ELP4: variants seen among roughly 807,000 people sequenced by gnomAD.
ELP4 encodes elongator complex protein 4.
In ELP4, 51 loss-of-function variants were observed where a neutral mutation model predicts 48.9. The observed-to-expected ratio is 1.04, with a 90% CI of 0.83 to 1.32. The LOEUF is 1.32. Among genes scored for constraint, ELP4 ranks in the 40% most tolerant of loss-of-function variants. The pLI is 0.00. For synonymous variants in ELP4, 210 were observed against 189.2 expected (o/e 1.11, Z -0.90); for missense variants, 519 against 514.6 (o/e 1.01, Z -0.08).
chr11:31,527,987 T>C (rs1469207838), intron 2 of ELP4, among the ~76,000 whole-genome samples: 1 of 152,068 alleles, frequency 6.6e-6, no homozygotes, highest in African/African-American at 2.4e-5. Context: ...GACCTTTGCT[T>C]ATGTTCTTTC....
At chr11:31,660,458 T>G (rs1945531240) in intron 9 of ELP4, among the ~76,000 whole-genome samples, 1 of 152,170 alleles carries the variant, frequency 6.6e-6, no homozygotes. Context: ...TCTCTTGTAG[T>G]CAGTAGGCAA....
chr11:31,767,283 A>G (rs1948060488), intron 9 of ELP4: 1 of 151,966 alleles, frequency 6.6e-6, no homozygotes, highest in Non-Finnish European at 1.5e-5. Flanking sequence ...ACTTGACCAG[A>G]GTGGCTCTTC....
intron 9 of ELP4, among the ~76,000 whole-genome samples, chr11:31,712,068 A>G (rs997272502): frequency 2.0e-5 from 3 of 152,030 alleles, no homozygotes; most frequent in African/African-American, 7.2e-5. Context: ...TGATTTTGCA[A>G]AGCTATCACC....
intron 7 of ELP4, among the ~76,000 whole-genome samples, chr11:31,636,781 T>C (rs751737545): frequency 3.3e-5 from 5 of 151,872 alleles, no homozygotes; most frequent in Non-Finnish European, 7.4e-5. Context: ...TTTTCTTTAA[T>C]GCCACAGGAA....
Position 31,512,304 on chromosome 11 carries a change from A to G in ELP4, c.223+2297A>G, listed in dbSNP as rs150054475. On this transcript the variant is annotated intron_variant, in intron 1 of 9. Transcript: ENST00000640961. ...GTAAATATTATAGCTTCCGTGTAGT[A>G]CGGTGACATTTTACTACTGCCACCG... is the stretch of plus-strand genomic sequence containing the variant. 6.6e-4 allele frequency: 101 copies of G among 152,266 alleles called. 1 individual carries two copies. The highest frequency in any genetic ancestry group is 3.4e-3 in the Middle Eastern group (1 of 294). The allele number at this position is 152,266 out of a possible 1,614,324, so 9.4% of individuals were successfully genotyped here.
intron 4 of ELP4, chr11:31,599,524 A>ACACACAC (rs1957742222): frequency 5.0e-3 from 89 of 17,694 alleles, no homozygotes; most frequent in East Asian, 0.019. Flanking sequence ...CACACACACA[A>ACACACAC]AAAAAAAAAA....
intron 9 of ELP4, among the ~76,000 whole-genome samples, chr11:31,761,175 A>G (rs895375167): frequency 6.6e-6 from 1 of 152,120 alleles, no homozygotes; most frequent in Non-Finnish European, 1.5e-5. Context: ...TGTCTCTACA[A>G]AAAATTTCAA....
At chr11:31,771,918 G>C (rs565813609) in intron 9 of ELP4, among the ~76,000 whole-genome samples, 3 of 152,032 alleles carry the variant, frequency 2.0e-5, no homozygotes, top group East Asian at 3.9e-4. Context: ...GGAGGCGGAG[G>C]TTGCAGTGAG....
At chr11:31,656,600 A>T (rs556253859) in intron 9 of ELP4, among the ~76,000 whole-genome samples, 55 of 152,090 alleles carry the variant, frequency 3.6e-4, no homozygotes, top group Non-Finnish European at 5.6e-4. Flanking sequence ...TTATTTATTC[A>T]TAACTAAGTT....
chr11:31,575,186 A>G (rs1417200491), intron 3 of ELP4, among the ~76,000 whole-genome samples: 1 of 152,248 alleles, frequency 6.6e-6, no homozygotes, highest in African/African-American at 2.4e-5. Context: ...AAGAAAGGGT[A>G]TCAGTGATTG....
intron 9 of ELP4, among the ~76,000 whole-genome samples, chr11:31,718,612 T>C (rs1394071780): frequency 6.6e-6 from 1 of 152,234 alleles, no homozygotes; most frequent in East Asian, 1.9e-4. Flanking sequence ...TGGTTGATGC[T>C]GACTGTCCAC....
chr11:31,522,939 A>T (rs1956238249), intron 2 of ELP4, among the ~76,000 whole-genome samples: 2 of 151,360 alleles, frequency 1.3e-5, no homozygotes, highest in African/African-American at 4.9e-5. Flanking sequence ...AGCTCACTGC[A>T]GCCTCCAACT....
At chr11:31,525,762 A>G (rs754423395) in intron 2 of ELP4, among the ~76,000 whole-genome samples, 4 of 152,096 alleles carry the variant, frequency 2.6e-5, no homozygotes, top group Non-Finnish European at 5.9e-5. Context: ...TATACCTGTA[A>G]TCCACTCCTA....
intron 9 of ELP4, among the ~76,000 whole-genome samples, chr11:31,702,324 T>G (rs1946542539): frequency 3.0e-5 from 1 of 33,278 alleles, no homozygotes; most frequent in East Asian, 9.3e-4. Flanking sequence ...ATAATAACAA[T>G]AACAATAATA....
Position 31,603,782 on chromosome 11 carries a change from A to G in ELP4, c.528A>G (p.Ser176=), listed in dbSNP as rs1220322650. Residue 176 remains serine, a synonymous_variant, in exon 5 of 10, where the codon TCA becomes TCG. Coordinates refer to ENST00000640961, the MANE Select transcript of ELP4 (RefSeq NM_019040.5). ...LLPKMEIGPV[S]SSRFGHYYDA... ...TATTTTAGCAGATTGGACCAGTATCATCTTCAAGATTTGGTCACTATTATG... is the reference window on the plus strand; with the variant it reads ...TATTTTAGCAGATTGGACCAGTATCGTCTTCAAGATTTGGTCACTATTATG... 1.4e-5 allele frequency: 23 copies of G among 1,609,990 alleles called. No homozygotes were observed. The highest frequency in any genetic ancestry group is 1.9e-5 in the Non-Finnish European group (22 of 1,177,488).
At chr11:31,566,222 G>A (rs1490130981) in intron 3 of ELP4, among the ~76,000 whole-genome samples, 1 of 152,054 alleles carries the variant, frequency 6.6e-6, no homozygotes, top group African/African-American at 2.4e-5. Flanking sequence ...GCTGAGTGTG[G>A]CAGTATGCAC....
chr11:31,764,270 A>G (rs768034577), intron 9 of ELP4, among the ~76,000 whole-genome samples: 1 of 152,168 alleles, frequency 6.6e-6, no homozygotes, highest in Non-Finnish European at 1.5e-5. Context: ...GTTTGTGCCA[A>G]ACTAGCTGTG....
chr11:31,602,295 C>G (rs1290643872), intron 4 of ELP4, among the ~76,000 whole-genome samples: 7 of 151,982 alleles, frequency 4.6e-5, no homozygotes, highest in Non-Finnish European at 1.0e-4. Context: ...AAGAACAGAC[C>G]TTGTTTAAAT....
chr11:31,535,395 C>T (rs987666364), intron 2 of ELP4, among the ~76,000 whole-genome samples: 26 of 152,064 alleles, frequency 1.7e-4, no homozygotes, highest in Admixed American at 1.4e-3. Flanking sequence ...CAGGCTGGAG[C>T]GCAGTGGTAC....
Sources: gnomAD v4.1 joint callset for allele counts (sites outside exome capture counted in the v4.1 genomes callset) on GRCh38, gnomAD v4.1.1 for gene constraint, MANE v1.5 for transcripts, NCBI Gene and HGNC (gene_info 2026-07-23, HGNC 2026-07-21) for gene names.